AKAP19: variants seen among roughly 807,000 people sequenced by gnomAD.
AKAP19 encodes A-kinase anchoring protein 19, also known as small A-kinase anchoring protein.
At chr2:190,147,023 T>C in the AKAP19 span, among the ~76,000 whole-genome samples, 559 of 152,340 alleles carry the variant, frequency 3.7e-3, 3 homozygotes, top group African/African-American at 0.012. Context: ...CAGCTGTTTA[T>C]CTTTGTTTTT....
At chr2:190,096,456 G>A in the AKAP19 span, among the ~76,000 whole-genome samples, 1 of 152,134 alleles carries the variant, frequency 6.6e-6, no homozygotes, top group Non-Finnish European at 1.5e-5. Context: ...TTCTTTTTAG[G>A]GGTCTTGCTG....
chr2:190,010,457 G>A, the AKAP19 span, among the ~76,000 whole-genome samples: 1 of 152,180 alleles, frequency 6.6e-6, no homozygotes, highest in African/African-American at 2.4e-5. Flanking sequence ...CTGTATGATT[G>A]CTGAGCAACA....
the AKAP19 span, among the ~76,000 whole-genome samples, chr2:190,010,843 T>C: frequency 6.6e-6 from 1 of 152,182 alleles, no homozygotes. Context: ...AGCTAGTTAA[T>C]ATATCACCTC....
At chr2:190,165,764 T>C in the AKAP19 span, among the ~76,000 whole-genome samples, 2 of 152,202 alleles carry the variant, frequency 1.3e-5, no homozygotes, top group African/African-American at 4.8e-5. Context: ...TGTTAGATGA[T>C]AGACATTAAT....
chr2:189,939,284 A>T, the AKAP19 span, among the ~76,000 whole-genome samples: 7 of 152,142 alleles, frequency 4.6e-5, no homozygotes, highest in Non-Finnish European at 8.8e-5. Context: ...GACTTTCTAC[A>T]CGTTACTGGA....
chr2:190,115,771 G>T, the AKAP19 span, among the ~76,000 whole-genome samples: 2 of 152,140 alleles, frequency 1.3e-5, no homozygotes, highest in African/African-American at 2.4e-5. Flanking sequence ...CCTGGTCAGA[G>T]AATGAGGTGA....
At chr2:189,911,751 A>T in the AKAP19 span, among the ~76,000 whole-genome samples, 1 of 152,084 alleles carries the variant, frequency 6.6e-6, no homozygotes, top group Admixed American at 6.5e-5. Context: ...TTTAATGACA[A>T]TTCATTTTAT....
the AKAP19 span, among the ~76,000 whole-genome samples, chr2:190,179,559 T>C: frequency 1.3e-5 from 2 of 152,234 alleles, no homozygotes; most frequent in African/African-American, 4.8e-5. This position sits in a 1 kb window ranked among gnomAD's most constrained non-coding sequence, Gnocchi z 6.0. Flanking sequence ...GGTTTGTATA[T>C]AACCTTAGCT....
At chr2:189,892,160 C>T in the AKAP19 span, among the ~76,000 whole-genome samples, 3 of 151,806 alleles carry the variant, frequency 2.0e-5, no homozygotes, top group African/African-American at 2.4e-5. Flanking sequence ...TCTTAGCGTC[C>T]GTGCATTGCA....
chr2:190,005,291 A>C, the AKAP19 span, among the ~76,000 whole-genome samples: 3 of 152,298 alleles, frequency 2.0e-5, no homozygotes, highest in South Asian at 6.2e-4. Context: ...CCCTGCCCAC[A>C]TCCTGCTGAT....
chr2:190,151,929 G>T, the AKAP19 span, among the ~76,000 whole-genome samples: 182 of 152,196 alleles, frequency 1.2e-3, no homozygotes, highest in African/African-American at 4.2e-3. Context: ...CTTTAATCTG[G>T]GAGGCGGAGG....
At chr2:190,150,653 C>T in the AKAP19 span, among the ~76,000 whole-genome samples, 1 of 152,088 alleles carries the variant, frequency 6.6e-6, no homozygotes, top group South Asian at 2.1e-4. Flanking sequence ...CAGTATGGAG[C>T]TAAAATTCAA....
chr2:190,200,932 G>C, the AKAP19 span: 1 of 166,998 alleles, frequency 6.0e-6, no homozygotes, highest in South Asian at 2.1e-4. Flanking sequence ...AGTCTGCAAG[G>C]TAGAAAGTTT....
the AKAP19 span, among the ~76,000 whole-genome samples, chr2:190,061,645 G>C: frequency 6.6e-6 from 1 of 151,840 alleles, no homozygotes; most frequent in East Asian, 1.9e-4. Context: ...CTTCATTATT[G>C]TTCTTACTAA....
the AKAP19 span, among the ~76,000 whole-genome samples, chr2:190,029,755 G>A: frequency 6.6e-6 from 1 of 152,104 alleles, no homozygotes; most frequent in Non-Finnish European, 1.5e-5. Context: ...ACAGAAACAG[G>A]CAGCTGCTTA....
At chr2:189,995,516 A>G in the AKAP19 span, among the ~76,000 whole-genome samples, 4 of 152,208 alleles carry the variant, frequency 2.6e-5, no homozygotes, top group Non-Finnish European at 5.9e-5. Flanking sequence ...CTTATGTGTT[A>G]GATGAGTCTC....
the AKAP19 span, among the ~76,000 whole-genome samples, chr2:189,891,218 T>C: frequency 6.9e-6 from 1 of 145,778 alleles, no homozygotes; most frequent in Admixed American, 6.8e-5. Context: ...AGTTCTTTTT[T>C]TTTCCTTTTT....
chr2:189,926,791 G>A, the AKAP19 span, among the ~76,000 whole-genome samples: 1 of 151,764 alleles, frequency 6.6e-6, no homozygotes, highest in Non-Finnish European at 1.5e-5. Context: ...CACTGTGTTA[G>A]CCAGGATGGT....
chr2:190,200,300 T>TGCATTTTAAGTACTTCTATGTTAAC, the AKAP19 span: 3 of 675,994 alleles, frequency 4.4e-6, no homozygotes, highest in African/African-American at 5.5e-5. Context: ...TAGGATGAAA[T>TGCATTTTAAGTACTTCTATGTTAAC]GCATTTTAAG....
Sources: allele counts gnomAD v4.1 joint callset (sites outside exome capture counted in the v4.1 genomes callset), GRCh38; gene constraint gnomAD v4.1.1; non-coding constraint Gnocchi (gnomAD v3.1); transcripts MANE v1.5; gene names NCBI Gene and HGNC (gene_info 2026-07-23, HGNC 2026-07-21).